Variants in UTRN observed in about 807,000 individuals in gnomAD.
UTRN encodes dystrophin-related protein 1.
Under a neutral mutation model 463.9 loss-of-function variants are expected in UTRN, and 283 were observed. The observed-to-expected ratio is 0.61, with a 90% CI of 0.55 to 0.67. The LOEUF (loss-of-function observed/expected upper bound fraction) is 0.67, where lower values mean the gene tolerates loss of function less well. Ranked by LOEUF, UTRN falls within the 30% of genes least tolerant of loss-of-function variation. The pLI is 0.00. For missense variants in UTRN, 3,922 were observed against 4,084.3 expected, an observed-to-expected ratio of 0.96 and a Z score of 1.08; for synonymous variants, 1,442 against 1,431.5, an observed-to-expected ratio of 1.01 and a Z score of -0.17.
Position 144,296,075 on chromosome 6 carries a change from C to G in UTRN, c.79+4168C>G, listed in dbSNP as rs117440000. On this transcript the variant is annotated intron_variant, in intron 2 of 74. Transcript: ENST00000367545. The stretch of plus-strand genomic sequence containing the variant: ...TTCCCTGTGTTGTTCTTAGCACTCT[C>G]TGGTACCTTTTCTGGTACTGTGTGT... Among the ~76,000 whole-genome samples, 179 of 152,346 alleles carry G rather than the reference C, an allele frequency of 1.2e-3. No individual in the cohort carries two copies. The East Asian group carries it at 0.03, about 25-fold the overall frequency.
intron 46 of UTRN, among the ~76,000 whole-genome samples, chr6:144,544,335 C>T (rs1057451346): frequency 1.3e-5 from 2 of 152,132 alleles, no homozygotes; most frequent in Non-Finnish European, 2.9e-5. Flanking sequence ...CAATGTTGTA[C>T]AACCACTATT....
chr6:144,736,557 T>G (rs764342640), intron 54 of UTRN, among the ~76,000 whole-genome samples: 16 of 152,204 alleles, frequency 1.1e-4, no homozygotes, highest in Non-Finnish European at 2.9e-5. Context: ...CCACATTAGT[T>G]TCCTCCATAC....
chr6:144,542,457 A>T (rs1374223438), intron 45 of UTRN, among the ~76,000 whole-genome samples: 1 of 152,100 alleles, frequency 6.6e-6, no homozygotes, highest in Admixed American at 6.6e-5. Context: ...GAGGAAAAGG[A>T]GTTGGTGAAG....
In UTRN at chr6:144,812,295, G is replaced by C. The variant is rs1778690436; in HGVS notation, c.9358-8587G>C. Reference sequence around the variant, plus strand: ...TGCCGGTCTTTGGGGATAATAATAAGAGTCCTTTGAGCTGACCTAGTAAAG... The same window carrying C: ...TGCCGGTCTTTGGGGATAATAATAACAGTCCTTTGAGCTGACCTAGTAAAG... On this transcript the variant is annotated intron_variant, in intron 65 of 74. Transcript: ENST00000367545. 2.0e-5 allele frequency among the ~76,000 whole-genome samples: 3 copies of C among 152,074 alleles called. No individual in the cohort carries two copies. The South Asian group carries it at 6.2e-4, about 32-fold the overall frequency.
intron 65 of UTRN, among the ~76,000 whole-genome samples, chr6:144,819,911 C>CCTCCTCCTCCTCTCTCTCT: frequency 8.4e-6 from 1 of 118,626 alleles, no homozygotes; most frequent in African/African-American, 3.8e-5. Context: ...TCCTCCTCCT[C>CCTCCTCCTCCTCTCTCTCT]CTCTCTCTCT....
rs1489797598 is a variant in UTRN at position 144,413,451 on chromosome 6, C to T, written c.142-8427C>T. ...AGGAGCAAAGTCACGTCTTGCATGG[C>T]GTCAGGCAAGAGAGAGAGCATGTGC... On this transcript the variant is annotated intron_variant, in intron 3 of 74. Transcript: ENST00000367545. Among the ~76,000 whole-genome samples, 3 of 149,128 alleles carry T rather than the reference C, an allele frequency of 2.0e-5. No homozygotes were observed. The Admixed American group carries it at 2.0e-4, about 10-fold the overall frequency.
chr6:144,510,846 T>A, intron 34 of UTRN, 98 bp from the exon 35 acceptor site: 1 of 1,100,826 alleles, frequency 9.1e-7, no homozygotes, highest in Non-Finnish European at 1.2e-6. Context: ...ATGGACTACT[T>A]TGTATATGTG....
intron 45 of UTRN, among the ~76,000 whole-genome samples, chr6:144,541,425 T>C (rs2128606827): frequency 6.6e-6 from 1 of 152,352 alleles, no homozygotes; most frequent in Non-Finnish European, 1.5e-5. Flanking sequence ...GGGTGCACTA[T>C]GTCAGACAAA....
chr6:144,681,688 A>G (rs986807713), intron 52 of UTRN, among the ~76,000 whole-genome samples: 13 of 152,030 alleles, frequency 8.6e-5, no homozygotes, highest in Non-Finnish European at 1.5e-4. Flanking sequence ...TCATCTGTGA[A>G]GGGAAGAGGA....
At chr6:144,400,284 C>T (rs1782824268) in intron 2 of UTRN, among the ~76,000 whole-genome samples, 1 of 152,082 alleles carries the variant, frequency 6.6e-6, no homozygotes, top group South Asian at 2.1e-4. Context: ...TGCATTCTTA[C>T]ACATTTTTGT....
At chr6:144,660,065 G>T (rs2128671536) in intron 51 of UTRN, 3 of 365,734 alleles carry the variant, frequency 8.2e-6, no homozygotes, top group East Asian at 7.3e-5. Context: ...AGCGCAAGCT[G>T]CCGCTGCTGC....
At chr6:144,810,316 C>T (rs1778500212) in intron 65 of UTRN, among the ~76,000 whole-genome samples, 1 of 152,144 alleles carries the variant, frequency 6.6e-6, no homozygotes, top group South Asian at 2.1e-4. Context: ...CAAGTGTAAA[C>T]ATCCTTTTCT....
chr6:144,389,283 A>G (rs1781694724), intron 2 of UTRN, among the ~76,000 whole-genome samples: 1 of 152,244 alleles, frequency 6.6e-6, no homozygotes, highest in African/African-American at 2.4e-5. Flanking sequence ...CTCAGCGAGC[A>G]GAGGGGTGAC....
rs146632241 is a variant in UTRN at position 144,771,623 on chromosome 6, A to G, written c.8496-284A>G. Among the ~76,000 whole-genome samples, 504 of 151,910 alleles carry G rather than the reference A, an allele frequency of 3.3e-3. 19 individuals are homozygous for G. The East Asian group carries it at 0.079, about 24-fold the overall frequency. Reference sequence around the variant, plus strand: ...GTATTTTTAGTAGCGATGGGATTTCATCATATTGGCCAGGCTTGTCTCAAT... The same window carrying G: ...GTATTTTTAGTAGCGATGGGATTTCGTCATATTGGCCAGGCTTGTCTCAAT... On this transcript the variant is annotated intron_variant, in intron 58 of 74. Coordinates refer to ENST00000367545, the MANE Select transcript of UTRN (RefSeq NM_007124.3).
chr6:144,602,061 T>C (rs941460917), intron 51 of UTRN, among the ~76,000 whole-genome samples: 2 of 152,240 alleles, frequency 1.3e-5, no homozygotes, highest in African/African-American at 4.8e-5. Flanking sequence ...AAGCAAAATG[T>C]CATATAACAA....
intron 51 of UTRN, among the ~76,000 whole-genome samples, chr6:144,609,982 A>AT (rs1307591645): frequency 1.3e-5 from 2 of 152,132 alleles, no homozygotes; most frequent in Non-Finnish European, 2.9e-5. Context: ...GAAAGAAGAA[A>AT]TATCATGAAT....
intron 69 of UTRN, among the ~76,000 whole-genome samples, chr6:144,834,859 C>T (rs958983005): frequency 5.3e-5 from 8 of 152,216 alleles, no homozygotes; most frequent in Non-Finnish European, 4.4e-5. Context: ...ACATAACTGA[C>T]ATGAGGTTTT....
At chr6:144,721,830 A>G (rs1787207460) in intron 53 of UTRN, among the ~76,000 whole-genome samples, 1 of 152,236 alleles carries the variant, frequency 6.6e-6, no homozygotes, top group Admixed American at 6.5e-5. Flanking sequence ...TTTATACAAT[A>G]CTTAAATAAT....
chr6:144,452,523 G>GT (rs1270764196), intron 18 of UTRN, among the ~76,000 whole-genome samples: 2 of 152,030 alleles, frequency 1.3e-5, no homozygotes, highest in Non-Finnish European at 2.9e-5. Context: ...ATATAGTTGT[G>GT]TTTTTGTGTG....
Sources: allele counts gnomAD v4.1 joint callset (sites outside exome capture counted in the v4.1 genomes callset), GRCh38; gene constraint gnomAD v4.1.1; transcripts MANE v1.5; gene names NCBI Gene and HGNC (gene_info 2026-07-23, HGNC 2026-07-21).